The following SCN11A variants were observed in gnomAD, a reference collection of about 807,000 sequenced individuals.
SCN11A encodes sodium channel protein type 11 subunit alpha.
In SCN11A, 122 loss-of-function variants were observed where a neutral mutation model predicts 162.2. The observed-to-expected ratio is 0.75, with a 90% confidence interval of 0.65 to 0.87. The LOEUF is 0.87. Among genes scored for constraint, SCN11A ranks in the 40% least tolerant of loss-of-function variants. The probability of loss-of-function intolerance (pLI) is 0.00; values close to 1 mark genes in which losing one functional copy is unlikely to be tolerated. For synonymous variants in SCN11A, 758 were observed against 751.5 expected (o/e 1.01, Z -0.14); for missense variants, 2,015 against 2,181.6 (o/e 0.92, Z 1.52).
chr3:38,886,090 C>A, intron 20 of SCN11A, 35 bp downstream of exon 20: 1 of 1,389,566 alleles, frequency 7.2e-7, no homozygotes, highest in Non-Finnish European at 1.0e-6. Flanking sequence ...GTGGATGAGC[C>A]ACAAGTTCCT....
At chr3:38,979,969 C>T (rs1282498951) in intron 2 of SCN11A, among the ~76,000 whole-genome samples, 5 of 152,178 alleles carry the variant, frequency 3.3e-5, no homozygotes, top group African/African-American at 1.2e-4. Context: ...AAGAGAAAGC[C>T]GCTTGTTGTT....
chr3:38,851,549 C>G (rs1173094179), intron 28 of SCN11A, among the ~76,000 whole-genome samples: 1 of 152,172 alleles, frequency 6.6e-6, no homozygotes, highest in Non-Finnish European at 1.5e-5. Flanking sequence ...TTCTTTAATA[C>G]AACTGCTGTG....
Position 38,926,894 on chromosome 3 carries a change from T to C in SCN11A, c.526A>G (p.Ile176Val), listed in dbSNP as rs1424549981. 6 of 1,612,876 alleles carry C rather than the reference T, an allele frequency of 3.7e-6. No individual in the cohort carries two copies. Among genetic ancestry groups the C allele is most frequent in the East Asian group, 2.2e-5 (1 of 44,892 alleles). The change falls in exon 8 of 30, where the codon ATT becomes GTT. Residue 176 changes from isoleucine to valine, a missense_variant. Ile to Val is a conservative substitution (Grantham distance 29). Transcript: ENST00000302328. Reference protein sequence around the residue: ...FTGIYIFEALIKILARGFILD... With the variant: ...FTGIYIFEALVKILARGFILD... ...ATGAAACCTCTTGCCAATATTTTAA[T>C]CAAAGCTTCAAAAATATAAATCCCA...
intron 1 of SCN11A, among the ~76,000 whole-genome samples, chr3:39,049,042 T>A (rs2032256054): frequency 6.6e-6 from 1 of 152,258 alleles, no homozygotes; most frequent in East Asian, 1.9e-4. Flanking sequence ...AAGCTCTGCA[T>A]AAATTACAGA....
chr3:38,873,982 T>C (rs1384618541), intron 23 of SCN11A, among the ~76,000 whole-genome samples: 1 of 152,186 alleles, frequency 6.6e-6, no homozygotes, highest in Non-Finnish European at 1.5e-5. Context: ...ATTTCTTTCC[T>C]ATTATGCAAA....
intron 4 of SCN11A, among the ~76,000 whole-genome samples, chr3:38,952,238 G>T (rs77994853): frequency 0.016 from 2,429 of 152,218 alleles, 68 homozygotes; most frequent in African/African-American, 0.056. Flanking sequence ...AAGCAGAAAG[G>T]GTTTGTTAAT....
At chr3:39,014,251 C>A (rs1317069711) in intron 2 of SCN11A, among the ~76,000 whole-genome samples, 2 of 152,160 alleles carry the variant, frequency 1.3e-5, no homozygotes, top group African/African-American at 4.8e-5. Flanking sequence ...CTTCTCAGTC[C>A]TCATTGAGTA....
chr3:38,997,816 C>T (rs2030690247), intron 2 of SCN11A, among the ~76,000 whole-genome samples: 2 of 152,148 alleles, frequency 1.3e-5, no homozygotes, highest in African/African-American at 4.8e-5. Context: ...TGGGGCTTTC[C>T]CCACCGTCTG....
chr3:38,980,469 T>C (rs933715438), intron 2 of SCN11A, among the ~76,000 whole-genome samples: 2 of 152,192 alleles, frequency 1.3e-5, no homozygotes, highest in African/African-American at 4.8e-5. Context: ...ATGTCGGTCA[T>C]GGAGCCACAG....
At chr3:38,927,388 G>C (rs1024654703) in intron 7 of SCN11A, among the ~76,000 whole-genome samples, 3 of 151,950 alleles carry the variant, frequency 2.0e-5, no homozygotes, top group Non-Finnish European at 4.4e-5. Context: ...TACTACCCAG[G>C]GTGATCTACA....
At chr3:38,959,969 G>T (rs1338043955) in intron 3 of SCN11A, among the ~76,000 whole-genome samples, 1 of 152,164 alleles carries the variant, frequency 6.6e-6, no homozygotes, top group Non-Finnish European at 1.5e-5. Flanking sequence ...GACAAGATTT[G>T]AGATGACCTT....
intron 28 of SCN11A, 95 bp from the exon 29 acceptor site, chr3:38,850,846 T>A (rs1018019881): frequency 9.1e-7 from 1 of 1,098,992 alleles, no homozygotes; most frequent in Admixed American, 3.0e-5. Flanking sequence ...TGTTTTTCCT[T>A]ACAATTAAAG....
At chr3:39,003,814 C>A (rs939149336) in intron 2 of SCN11A, among the ~76,000 whole-genome samples, 1 of 152,042 alleles carries the variant, frequency 6.6e-6, no homozygotes, top group Non-Finnish European at 1.5e-5. Flanking sequence ...GCTTGTTGGC[C>A]GCACATATGT....
intron 7 of SCN11A, among the ~76,000 whole-genome samples, chr3:38,940,588 G>A (rs546474242): frequency 1.3e-5 from 2 of 152,268 alleles, no homozygotes; most frequent in South Asian, 4.1e-4. Context: ...ATGGTGTTGG[G>A]ACAAATGGAT....
At chr3:38,848,864 T>A (rs1208293584) in intron 29 of SCN11A, among the ~76,000 whole-genome samples, 1 of 152,190 alleles carries the variant, frequency 6.6e-6, no homozygotes, top group Non-Finnish European at 1.5e-5. Flanking sequence ...CAACTCACAC[T>A]CATTTTGCAT....
chr3:39,034,894 A>T (rs903166391), intron 1 of SCN11A, among the ~76,000 whole-genome samples: 6 of 152,194 alleles, frequency 3.9e-5, no homozygotes, highest in Non-Finnish European at 5.9e-5. Context: ...TAATCAAAAA[A>T]GTAAAAGATC....
chr3:38,975,849 T>C (rs1411821458), intron 2 of SCN11A, among the ~76,000 whole-genome samples: 1 of 152,106 alleles, frequency 6.6e-6, no homozygotes, highest in Non-Finnish European at 1.5e-5. Flanking sequence ...AGTTGTTTAA[T>C]GGATATAGAG....
chr3:38,973,066 G>C (rs1342267697), intron 2 of SCN11A, among the ~76,000 whole-genome samples: 1 of 152,150 alleles, frequency 6.6e-6, no homozygotes, highest in Non-Finnish European at 1.5e-5. Context: ...TTGTCTACAA[G>C]ATAGTTTAAT....
intron 23 of SCN11A, among the ~76,000 whole-genome samples, chr3:38,878,346 CTCA>C (rs991964381): frequency 6.6e-6 from 1 of 151,710 alleles, no homozygotes; most frequent in Non-Finnish European, 1.5e-5. Flanking sequence ...AGTCCACATC[CTCA>C]TTTTTACCTG....
Sources: allele counts gnomAD v4.1 joint callset (sites outside exome capture counted in the v4.1 genomes callset), GRCh38; gene constraint gnomAD v4.1.1; transcripts MANE v1.5; gene names NCBI Gene and HGNC (gene_info 2026-07-23, HGNC 2026-07-21).